NGEF: variants seen among roughly 807,000 people sequenced by gnomAD.
The protein encoded by NGEF is neuronal guanine nucleotide exchange factor.
In NGEF, 31 loss-of-function variants were observed where a neutral mutation model predicts 80.9. The observed-to-expected ratio is 0.38, with a 90% confidence interval of 0.29 to 0.52. The LOEUF (loss-of-function observed/expected upper bound fraction) is 0.52, where lower values mean the gene tolerates loss of function less well. Ranked by LOEUF, NGEF falls within the 20% of genes least tolerant of loss-of-function variation. The probability of loss-of-function intolerance (pLI) is 0.84; values close to 1 mark genes in which losing one functional copy is unlikely to be tolerated. For missense variants in NGEF, 709 were observed against 926.2 expected (o/e 0.77, Z 3.04); for synonymous variants, 371 against 370.2 (o/e 1.00, Z -0.03).
chr2:232,917,449 A>AAAG (rs1692828818), intron 5 of NGEF, among the ~76,000 whole-genome samples: 1 of 151,740 alleles, frequency 6.6e-6, no homozygotes, highest in Non-Finnish European at 1.5e-5. Flanking sequence ...TAGAGGAGTT[A>AAAG]CGTATTTAAT....
chr2:232,944,427 G>A, intron 3 of NGEF, among the ~76,000 whole-genome samples: 1 of 152,010 alleles, frequency 6.6e-6, no homozygotes, highest in Non-Finnish European at 1.5e-5. Flanking sequence ...CCTATCCTAA[G>A]GAGACTGGTT....
intron 1 of NGEF, among the ~76,000 whole-genome samples, chr2:232,991,341 T>TTAA (rs1553559179): frequency 1.4e-5 from 1 of 72,608 alleles, no homozygotes; most frequent in South Asian, 9.5e-4. Flanking sequence ...AGGAATCCAG[T>TTAA]AAAAAAAAAC....
At chr2:232,973,605 C>T (rs1272533938) in intron 2 of NGEF, among the ~76,000 whole-genome samples, 1 of 151,758 alleles carries the variant, frequency 6.6e-6, no homozygotes, top group Non-Finnish European at 1.5e-5. Flanking sequence ...CCTGGGCCAG[C>T]CTGCTGGGGG....
chr2:232,893,589 C>T (rs1397329061), intron 6 of NGEF, among the ~76,000 whole-genome samples: 1 of 152,132 alleles, frequency 6.6e-6, no homozygotes, highest in Non-Finnish European at 1.5e-5. Flanking sequence ...GCCTGGCCAA[C>T]ATGGTGAAAC....
intron 3 of NGEF, among the ~76,000 whole-genome samples, chr2:232,958,557 C>T (rs991319905): frequency 6.6e-6 from 1 of 152,126 alleles, no homozygotes; most frequent in Non-Finnish European, 1.5e-5. Flanking sequence ...CAAAACTTGG[C>T]ATGGTCCTAT....
At chr2:232,939,159 C>T (rs1030674115) in intron 3 of NGEF, among the ~76,000 whole-genome samples, 2 of 108,284 alleles carry the variant, frequency 1.8e-5, no homozygotes, top group African/African-American at 3.7e-5. Context: ...ACCTGGGCAA[C>T]AGCAAGACTC....
At chr2:232,966,048 T>C (rs962694066) in intron 3 of NGEF, among the ~76,000 whole-genome samples, 1 of 152,186 alleles carries the variant, frequency 6.6e-6, no homozygotes, top group Non-Finnish European at 1.5e-5. Flanking sequence ...TATAAGCAAA[T>C]GGTCTCTTTC....
At chr2:232,989,137 A>G (rs1694600078) in intron 1 of NGEF, among the ~76,000 whole-genome samples, 1 of 152,148 alleles carries the variant, frequency 6.6e-6, no homozygotes, top group African/African-American at 2.4e-5. Context: ...TGTACCTTTT[A>G]ATACATTTTT....
Position 232,948,183 on chromosome 2 carries a change from G to A in NGEF, c.384-20997C>T, listed in dbSNP as rs556422679. Among the ~76,000 whole-genome samples the A allele has an allele frequency of 9.1e-3, 1,348 of 147,772 alleles. 21 individuals are homozygous for A. The highest frequency in any genetic ancestry group is 0.033 in the African/African-American group (1,281 of 39,160). On this transcript the variant is annotated intron_variant, in intron 3 of 14. Transcript: ENST00000264051. ...TGTGTGTGTGTGTGTGTGTGTGTGT[G>A]TATATAATTATTATTAGTTTTTTGA...
chr2:233,005,574 A>G (rs1375911129), intron 1 of NGEF, among the ~76,000 whole-genome samples: 1 of 151,954 alleles, frequency 6.6e-6, no homozygotes, highest in Non-Finnish European at 1.5e-5. Context: ...GCTCCTTATA[A>G]GAGGAAGGCA....
chr2:232,946,010 T>G (rs1312086076), intron 3 of NGEF, among the ~76,000 whole-genome samples: 1 of 150,530 alleles, frequency 6.6e-6, no homozygotes, highest in Non-Finnish European at 1.5e-5. Context: ...TATCCATATA[T>G]ATATATTCTA....
chr2:232,912,135 A>G (rs895293221), intron 5 of NGEF, among the ~76,000 whole-genome samples: 1 of 152,174 alleles, frequency 6.6e-6, no homozygotes, highest in Non-Finnish European at 1.5e-5. Flanking sequence ...GATGTTTGCT[A>G]TAGGTTTTTG....
chr2:232,990,404 T>C (rs1694627546), intron 1 of NGEF, among the ~76,000 whole-genome samples: 1 of 152,084 alleles, frequency 6.6e-6, no homozygotes, highest in African/African-American at 2.4e-5. Context: ...TTTTCTTGGA[T>C]GGGAAAATGG....
chr2:232,916,028 C>T (rs1028399763), intron 5 of NGEF, among the ~76,000 whole-genome samples: 1 of 152,206 alleles, frequency 6.6e-6, no homozygotes, highest in Non-Finnish European at 1.5e-5. Flanking sequence ...TAACAGTTCC[C>T]AGCCATTACC....
At chr2:232,985,697 G>A (rs904408413) in intron 1 of NGEF, among the ~76,000 whole-genome samples, 2 of 152,128 alleles carry the variant, frequency 1.3e-5, no homozygotes, top group Non-Finnish European at 2.9e-5. Flanking sequence ...AGCTTGCAGT[G>A]AGCAGAGATT....
At chr2:232,955,147 T>G (rs950148889) in intron 3 of NGEF, among the ~76,000 whole-genome samples, 8 of 152,288 alleles carry the variant, frequency 5.3e-5, no homozygotes, top group African/African-American at 1.9e-4. Flanking sequence ...ATATTAATTG[T>G]TTTTTACATT....
At chr2:233,006,528 T>C (rs1695087118) in intron 1 of NGEF, among the ~76,000 whole-genome samples, 1 of 152,184 alleles carries the variant, frequency 6.6e-6, no homozygotes. Flanking sequence ...ATTCTCTTGA[T>C]ATTTGAGGGT....
chr2:232,951,756 C>G (rs1160019262), intron 3 of NGEF, among the ~76,000 whole-genome samples: 2 of 152,134 alleles, frequency 1.3e-5, no homozygotes, highest in Non-Finnish European at 2.9e-5. Context: ...AAAAGAAATC[C>G]CAACATGTTG....
chr2:232,930,871 C>T (rs1024263084), intron 3 of NGEF, among the ~76,000 whole-genome samples: 2 of 152,178 alleles, frequency 1.3e-5, no homozygotes, highest in Non-Finnish European at 2.9e-5. Context: ...TCTTAACAAC[C>T]CAAAAGTTTT....
Sources: allele counts gnomAD v4.1 joint callset (sites outside exome capture counted in the v4.1 genomes callset), GRCh38; gene constraint gnomAD v4.1.1; transcripts MANE v1.5; gene names NCBI Gene and HGNC (gene_info 2026-07-23, HGNC 2026-07-21).